PTPRD: variants seen among roughly 807,000 people sequenced by gnomAD.
The protein encoded by PTPRD is protein tyrosine phosphatase receptor type D.
A neutral mutation model predicts 214.5 loss-of-function variants in PTPRD; 34 were observed. That is an observed-to-expected ratio of 0.16 (90% CI 0.12 to 0.21). The LOEUF (loss-of-function observed/expected upper bound fraction) is 0.21. Among genes scored for constraint, PTPRD ranks in the 10% least tolerant of loss-of-function variants. PTPRD has a pLI of 1.00. For missense variants in PTPRD, 2,545 were observed against 2,398.7 expected (o/e 1.06, Z -1.27); for synonymous variants, 1,128 against 845.7 (o/e 1.33, Z -5.79).
intron 12 of PTPRD, among the ~76,000 whole-genome samples, chr9:8,674,863 G>GT (rs1228908418): frequency 3.9e-5 from 6 of 151,956 alleles, no homozygotes; most frequent in East Asian, 1.9e-4. Flanking sequence ...TTTGTTTGGG[G>GT]TTTTTTTGCT....
intron 27 of PTPRD, among the ~76,000 whole-genome samples, chr9:8,491,638 T>C (rs984529785): frequency 4.1e-4 from 60 of 146,480 alleles, no homozygotes; most frequent in Middle Eastern, 3.4e-3. Flanking sequence ...GGCATTAAAT[T>C]AGCTTGATAC....
chr9:10,063,184 A>G (rs1317159061), intron 3 of PTPRD, among the ~76,000 whole-genome samples: 3 of 152,084 alleles, frequency 2.0e-5, no homozygotes, highest in Non-Finnish European at 4.4e-5. Flanking sequence ...TCTGCAAAGA[A>G]GAATTGTGTA....
chr9:8,584,101 C>A (rs924496954), intron 14 of PTPRD, among the ~76,000 whole-genome samples: 6 of 152,064 alleles, frequency 3.9e-5, no homozygotes, highest in African/African-American at 1.4e-4. Context: ...CTGTAGTGAG[C>A]CATGATTGTG....
At chr9:10,481,399 AAT>A (rs942706578) in intron 2 of PTPRD, among the ~76,000 whole-genome samples, 2 of 152,214 alleles carry the variant, frequency 1.3e-5, no homozygotes, top group African/African-American at 4.8e-5. Flanking sequence ...ATTCATATTG[AAT>A]ATAAAAACAT....
chr9:9,830,588 A>C (rs1284077959), intron 5 of PTPRD, among the ~76,000 whole-genome samples: 5 of 151,950 alleles, frequency 3.3e-5, no homozygotes, highest in Non-Finnish European at 7.4e-5. Flanking sequence ...AAGTCAACAA[A>C]GGGAACAGAG....
At chr9:10,415,300 T>C (rs1290208163) in intron 2 of PTPRD, among the ~76,000 whole-genome samples, 1 of 151,782 alleles carries the variant, frequency 6.6e-6, no homozygotes, top group African/African-American at 2.4e-5. Context: ...AACAAGAATG[T>C]CTTATACACA....
chr9:9,936,213 C>T (rs1453567324), intron 5 of PTPRD, among the ~76,000 whole-genome samples: 1 of 148,318 alleles, frequency 6.7e-6, no homozygotes, highest in Non-Finnish European at 1.5e-5. Flanking sequence ...GCAACAAAAG[C>T]CAAAATTGAC....
chr9:10,524,116 TC>T (rs1306837125), intron 2 of PTPRD, among the ~76,000 whole-genome samples: 1 of 151,874 alleles, frequency 6.6e-6, no homozygotes, highest in Admixed American at 6.6e-5. Context: ...CTCTCTTTCT[TC>T]CTCTTCTAAG....
chr9:10,570,569 T>TACAC (rs745717432), intron 2 of PTPRD, among the ~76,000 whole-genome samples: 39 of 150,480 alleles, frequency 2.6e-4, no homozygotes, highest in African/African-American at 8.3e-4. Context: ...TGCACACACA[T>TACAC]ACACACACAC....
At chr9:8,424,920 G>A (rs75104705) in intron 35 of PTPRD, among the ~76,000 whole-genome samples, 244 of 152,260 alleles carry the variant, frequency 1.6e-3, no homozygotes, top group African/African-American at 5.7e-3. Context: ...TCTGATTGCT[G>A]CATCTGTGAC....
intron 3 of PTPRD, among the ~76,000 whole-genome samples, chr9:10,331,325 A>G (rs527810447): frequency 6.6e-6 from 1 of 151,940 alleles, no homozygotes; most frequent in South Asian, 2.1e-4. Flanking sequence ...AAGGGCATTG[A>G]GAAGACTATT....
At chr9:9,330,141 C>T (rs1373111906) in intron 9 of PTPRD, among the ~76,000 whole-genome samples, 1 of 152,088 alleles carries the variant, frequency 6.6e-6, no homozygotes, top group Non-Finnish European at 1.5e-5. Context: ...CCCTGCCATG[C>T]CATCTGACCC....
At chr9:9,487,550 A>T (rs2147452174) in intron 8 of PTPRD, among the ~76,000 whole-genome samples, 1 of 132,806 alleles carries the variant, frequency 7.5e-6, no homozygotes, top group Non-Finnish European at 1.6e-5. Flanking sequence ...TAGCAGCATG[A>T]TTCATTTTCT....
At chr9:8,399,876 A>C (rs538103465) in intron 36 of PTPRD, among the ~76,000 whole-genome samples, 1 of 152,286 alleles carries the variant, frequency 6.6e-6, no homozygotes, top group Non-Finnish European at 1.5e-5. Flanking sequence ...CTTATTAGCT[A>C]TTGATCATAC....
chr9:10,553,607 T>C (rs1197818661), intron 2 of PTPRD, among the ~76,000 whole-genome samples: 2 of 152,180 alleles, frequency 1.3e-5, no homozygotes, highest in African/African-American at 4.8e-5. Context: ...GAGTTTCATC[T>C]GGCTTTATTT....
At chr9:10,359,767 T>G (rs530666163) in intron 2 of PTPRD, among the ~76,000 whole-genome samples, 1 of 152,168 alleles carries the variant, frequency 6.6e-6, no homozygotes, top group East Asian at 1.9e-4. Context: ...TGCTTAACAA[T>G]TTTAGTGTAC....
intron 8 of PTPRD, among the ~76,000 whole-genome samples, chr9:9,399,918 C>T (rs2141292533): frequency 6.6e-6 from 1 of 152,090 alleles, no homozygotes; most frequent in East Asian, 1.9e-4. Context: ...CCTTTATTAG[C>T]AGCATGTGAA....
chr9:9,445,319 T>A (rs2090008320), intron 8 of PTPRD, among the ~76,000 whole-genome samples: 1 of 152,204 alleles, frequency 6.6e-6, no homozygotes, highest in Non-Finnish European at 1.5e-5. Flanking sequence ...CAGTTATGCA[T>A]GCCATTGATG....
At chr9:8,349,237 G>T (rs1181385443) in intron 39 of PTPRD, among the ~76,000 whole-genome samples, 2 of 150,034 alleles carry the variant, frequency 1.3e-5, no homozygotes, top group African/African-American at 2.5e-5. Context: ...CAATTGCTGA[G>T]AAATAACAAA....
Sources: gnomAD v4.1 joint callset for allele counts (sites outside exome capture counted in the v4.1 genomes callset) on GRCh38, gnomAD v4.1.1 for gene constraint, MANE v1.5 for transcripts, NCBI Gene and HGNC (gene_info 2026-07-23, HGNC 2026-07-21) for gene names.